C15orf40: variants seen among roughly 807,000 people sequenced by gnomAD.
C15orf40 encodes UPF0235 protein C15orf40.
In C15orf40, 9 loss-of-function variants were observed where a neutral mutation model predicts 13.9. The observed-to-expected ratio is 0.65, with a 90% CI of 0.39 to 1.13. The LOEUF (loss-of-function observed/expected upper bound fraction) is 1.13, where lower values mean the gene tolerates loss of function less well. Among genes scored for constraint, C15orf40 ranks in the 50% most tolerant of loss-of-function variants. C15orf40 has a pLI of 0.01. For synonymous variants in C15orf40, 95 were observed against 69.2 expected (o/e 1.37, Z -1.85); for missense variants, 225 against 188.5 (o/e 1.19, Z -1.13).
chr15:83,008,269 A>G, intron 3 of C15orf40: 1 of 365,272 alleles, frequency 2.7e-6, no homozygotes, highest in Admixed American at 4.0e-5. Flanking sequence ...CTCTAATCCC[A>G]GCGCTTCGGG....
intron 3 of C15orf40, 26 bp downstream of exon 3, chr15:83,008,522 A>G (rs779616316): frequency 1.8e-5 from 28 of 1,598,906 alleles, no homozygotes; most frequent in Non-Finnish European, 2.4e-5. Flanking sequence ...TTGTCTCAAA[A>G]AAAAAAAAAA....
At chr15:82,990,610 C>G, downstream of C15orf40, 1 of 1,464,868 alleles carries the variant, frequency 6.8e-7, no homozygotes, top group African/African-American at 1.4e-5. Context: ...ATAGATGAGT[C>G]AGCTCCACAC....
At chr15:82,990,483 C>T (rs897393287), downstream of C15orf40, 77 of 597,358 alleles carry the variant, frequency 1.3e-4, no homozygotes, top group Non-Finnish European at 2.0e-4. Context: ...CATGAATGCA[C>T]AGCTATGCTT....
In C15orf40 at chr15:83,004,361, G is replaced by T; in HGVS notation, c.*1236C>A. 3.0e-6 allele frequency: 3 copies of T among 985,280 alleles called. No individual in the cohort carries two copies. Among genetic ancestry groups the T allele is most frequent in the Non-Finnish European group, 3.6e-6 (3 of 829,860 alleles). The allele number at this position is 985,280 out of a possible 1,614,324, so 61.0% of individuals were successfully genotyped here. On this transcript the variant is annotated 3_prime_UTR_variant, in exon 4 of 4. Transcript: ENST00000304177. ...ATCAATACATCTTTCTCATGTACTT[G>T]CTGGACAAAGCGCACAACTGCAGAT...
At position 82,998,240 on chromosome 15, in the gene C15orf40, G is replaced by A. The variant is rs1278754073; in HGVS notation, c.*7357C>T. On this transcript the variant is annotated 3_prime_UTR_variant, in exon 4 of 4. Coordinates refer to ENST00000304177, the MANE Select transcript of C15orf40 (RefSeq NM_144597.3). ...GGGCTGACCCCCCCACCTCCCTCCC[G>A]GATGGGGTGGCTGGCCGGGCGGGGG... The A allele has an allele frequency of 0.011, 1,605 of 151,470 alleles. 38 individuals carry two copies. Among genetic ancestry groups the A allele is most frequent in the African/African-American group, 0.041 (1,532 of 37,366 alleles). The allele number at this position is 151,470 out of a possible 1,614,324, so 9.4% of individuals were successfully genotyped here.
At chr15:83,008,800 G>T (rs1308133681) in intron 2 of C15orf40, 125 bp from the exon 3 acceptor site, 2 of 1,076,620 alleles carry the variant, frequency 1.9e-6, no homozygotes, top group Non-Finnish European at 2.6e-6. Context: ...ACTGTTGAAT[G>T]AAGAAATGAA....
At chr15:83,006,623 G>A (rs541598543) in intron 3 of C15orf40, 20 of 212,354 alleles carry the variant, frequency 9.4e-5, no homozygotes, top group Middle Eastern at 2.3e-3. Context: ...GTGTTGGCGC[G>A]CGCCTCCAAT....
Position 83,001,248 on chromosome 15 carries a change from C to G in C15orf40, c.*4349G>C, listed in dbSNP as rs7163121. ...CTCCTGCCTCCAGGGCATAATGAGC[C>G]AGGCTGTTCTTTCCCAGGATCTGTC... On this transcript the variant is annotated 3_prime_UTR_variant, in exon 4 of 4. Coordinates refer to ENST00000304177, the MANE Select transcript of C15orf40 (RefSeq NM_144597.3). The G allele has an allele frequency of 7.9e-3, 7,822 of 985,426 alleles. 385 individuals are homozygous for G. In the African/African-American group the frequency reaches 0.12, roughly 15 times the overall value. The allele number at this position is 985,426 out of a possible 1,614,324, so 61.0% of individuals were successfully genotyped here. A position where few individuals can be genotyped will look rare whatever the true frequency, so the allele number is the denominator to read the frequency against.
chr15:82,996,787 C>T lies in C15orf40; in HGVS notation c.*8810G>A, dbSNP rs1325249953. On this transcript the variant is annotated 3_prime_UTR_variant, in exon 4 of 4. Coordinates refer to ENST00000304177, the MANE Select transcript of C15orf40 (RefSeq NM_144597.3). ...TTGGGAGGCCAAGGCGGATGGATCGCCTGAGGTCAGGAGTCTGAGACCAGC... is the reference window on the plus strand; with the variant it reads ...TTGGGAGGCCAAGGCGGATGGATCGTCTGAGGTCAGGAGTCTGAGACCAGC... The T allele has an allele frequency of 6.6e-6, 1 of 151,680 alleles. No homozygotes were observed. The highest frequency in any genetic ancestry group is 1.5e-5 in the Non-Finnish European group (1 of 67,932). The allele number at this position is 151,680 out of a possible 1,614,324, so 9.4% of individuals were successfully genotyped here.
downstream of C15orf40, among the ~76,000 whole-genome samples, chr15:82,991,721 C>T (rs139316941): frequency 4.6e-5 from 7 of 152,216 alleles, no homozygotes; most frequent in East Asian, 9.6e-4. Flanking sequence ...TTGGAAATGA[C>T]CTAATAAGTC....
At chr15:82,992,775 C>T (rs1340355313), downstream of C15orf40, among the ~76,000 whole-genome samples, 3 of 151,970 alleles carry the variant, frequency 2.0e-5, no homozygotes, top group East Asian at 1.9e-4. Context: ...GAGTATCAGC[C>T]GTGCTTGAAA....
chr15:82,997,717 G>C lies in C15orf40; in HGVS notation c.*7880C>G. 1 of 168,144 alleles carries C rather than the reference G, an allele frequency of 5.9e-6. No homozygotes were observed. The highest frequency in any genetic ancestry group is 8.0e-5 in the South Asian group (1 of 12,548). The allele number at this position is 168,144 out of a possible 1,614,324, so 10.4% of individuals were successfully genotyped here. ...TGGCCCGTTCTCAATGAGCTGTTGG[G>C]CACACCTCCCAGACGGGGTGGTGGC... On this transcript the variant is annotated 3_prime_UTR_variant, in exon 4 of 4. Coordinates refer to ENST00000304177, the MANE Select transcript of C15orf40 (RefSeq NM_144597.3).
chr15:82,991,499 C>T (rs925562692), downstream of C15orf40, among the ~76,000 whole-genome samples: 1 of 152,158 alleles, frequency 6.6e-6, no homozygotes, highest in African/African-American at 2.4e-5. Flanking sequence ...GAGCCAAGAT[C>T]GTGCCACTGC....
In C15orf40 at chr15:82,995,834, T is replaced by C. The variant is rs189057373; in HGVS notation, c.*9763A>G. 2 of 152,436 alleles carry C rather than the reference T, an allele frequency of 1.3e-5. No individual in the cohort carries two copies. Among genetic ancestry groups the C allele is most frequent in the South Asian group, 2.1e-4 (1 of 4,826 alleles). 9.4% of individuals were successfully genotyped at this position (152,436 alleles called of 1,614,324 possible). On this transcript the variant is annotated 3_prime_UTR_variant, in exon 4 of 4. Coordinates refer to ENST00000304177, the MANE Select transcript of C15orf40 (RefSeq NM_144597.3). ...GCTAATATGTGATTCGACTGCCCCA[T>C]TGCAGGATTAAGAGAGAGCATAAAG... is the stretch of plus-strand genomic sequence containing the variant.
chr15:82,990,813 A>G, downstream of C15orf40: 1 of 561,112 alleles, frequency 1.8e-6, no homozygotes, highest in Non-Finnish European at 3.2e-6. Context: ...TACTGTTCAC[A>G]CTTTTTAATC....
In C15orf40 at chr15:82,998,030, C is replaced by T; in HGVS notation, c.*7567G>A. The T allele has an allele frequency of 6.9e-6, 1 of 145,160 alleles. No homozygotes were observed. Among genetic ancestry groups the T allele is most frequent in the Non-Finnish European group, 1.5e-5 (1 of 66,870 alleles). 9.0% of individuals were successfully genotyped at this position (145,160 alleles called of 1,614,324 possible). A position where few individuals can be genotyped will look rare whatever the true frequency, so the allele number is the denominator to read the frequency against. On this transcript the variant is annotated 3_prime_UTR_variant, in exon 4 of 4. Transcript: ENST00000304177. Reference sequence around the variant, plus strand: ...GGGGGGCTGACCCCCCCACCTCCCTCCCGGACGGGGCGGCTGACCCCCCAT... The same window carrying T: ...GGGGGGCTGACCCCCCCACCTCCCTTCCGGACGGGGCGGCTGACCCCCCAT...
Position 82,997,165 on chromosome 15 carries a change from A to C in C15orf40, c.*8432T>G, listed in dbSNP as rs1324032878. 6.7e-6 allele frequency: 1 copy of C among 149,552 alleles called. No homozygotes were observed. Among genetic ancestry groups the C allele is most frequent in the East Asian group, 1.9e-4 (1 of 5,150 alleles). The allele number at this position is 149,552 out of a possible 1,614,324, so 9.3% of individuals were successfully genotyped here. A position where few individuals can be genotyped will look rare whatever the true frequency, so the allele number is the denominator to read the frequency against. ...CCTCTTCTCTGTTGCACTGTTTCCA[A>C]CATGGTCTTTATTTCTATTATGCTT... On this transcript the variant is annotated 3_prime_UTR_variant, in exon 4 of 4. Transcript: ENST00000304177.
At chr15:82,991,141 G>T (rs1217504547), downstream of C15orf40, 1 of 153,266 alleles carries the variant, frequency 6.5e-6, no homozygotes, top group Non-Finnish European at 1.5e-5. Flanking sequence ...TGTTGAAAAG[G>T]GCTTATTTGG....
In C15orf40 at chr15:83,004,267, A is replaced by G. The variant is rs555222337; in HGVS notation, c.*1330T>C. On this transcript the variant is annotated 3_prime_UTR_variant, in exon 4 of 4. Coordinates refer to ENST00000304177, the MANE Select transcript of C15orf40 (RefSeq NM_144597.3). ...CTGGGATTACAGGCGTGAGCCACCA[A>G]GCCCAGCTACCATCAGCAATTTTTA... The G allele has an allele frequency of 1.4e-4, 133 of 967,400 alleles. No homozygotes were observed. In the African/African-American group the frequency reaches 2.1e-3, roughly 15 times the overall value. The allele number at this position is 967,400 out of a possible 1,614,324, so 59.9% of individuals were successfully genotyped here.
Sources: gnomAD v4.1 joint callset for allele counts (sites outside exome capture counted in the v4.1 genomes callset) on GRCh38, gnomAD v4.1.1 for gene constraint, MANE v1.5 for transcripts, NCBI Gene and HGNC (gene_info 2026-07-23, HGNC 2026-07-21) for gene names.